Variants in CABLES1 observed in about 807,000 individuals in gnomAD.
The protein encoded by CABLES1 is Cdk5 and Abl enzyme substrate 1.
In CABLES1, 36 loss-of-function variants were observed where a neutral mutation model predicts 57.8. That is an observed-to-expected ratio of 0.62 (90% CI 0.48 to 0.82). The LOEUF (loss-of-function observed/expected upper bound fraction) is 0.82, where lower values mean the gene tolerates loss of function less well. Ranked by LOEUF, CABLES1 falls within the 40% of genes least tolerant of loss-of-function variation. The probability of loss-of-function intolerance (pLI) is 0.00; values close to 1 mark genes in which losing one functional copy is unlikely to be tolerated. For missense variants in CABLES1, 767 were observed against 836.6 expected (o/e 0.92, Z 1.03); for synonymous variants, 374 against 363.0 (o/e 1.03, Z -0.35).
At chr18:23,170,323 G>A (rs2047073386) in intron 1 of CABLES1, among the ~76,000 whole-genome samples, 1 of 152,202 alleles carries the variant, frequency 6.6e-6, no homozygotes. Context: ...GACGTGGCCT[G>A]TTGTCCTTCC....
At chr18:23,246,807 C>T (rs942830459) in intron 7 of CABLES1, among the ~76,000 whole-genome samples, 1 of 151,706 alleles carries the variant, frequency 6.6e-6, no homozygotes, top group African/African-American at 2.4e-5. Flanking sequence ...TTCTTCCTGC[C>T]TTAGCCTCCC....
intron 7 of CABLES1, among the ~76,000 whole-genome samples, chr18:23,238,753 C>T (rs2047665283): frequency 6.6e-6 from 1 of 152,180 alleles, no homozygotes; most frequent in African/African-American, 2.4e-5. Context: ...TCAGGGAGTC[C>T]AAGTGAGGCT....
intron 3 of CABLES1, chr18:23,197,420 TTCA>T (rs1323332076): frequency 7.5e-6 from 1 of 132,470 alleles, no homozygotes; most frequent in Non-Finnish European, 1.5e-5. Flanking sequence ...AAAAACTCTC[TTCA>T]TCTCTCTGGC....
rs145792455 is a variant in CABLES1 at position 23,212,544 on chromosome 18, G to A, written c.1011-1433G>A. Among the ~76,000 whole-genome samples the A allele has an allele frequency of 7.6e-4, 116 of 152,264 alleles. 1 individual carries two copies. The highest frequency in any genetic ancestry group is 2.6e-3 in the African/African-American group (107 of 41,542). On this transcript the variant is annotated intron_variant, in intron 3 of 9. Transcript: ENST00000256925. ...AAAGTGGCTTTTGATTGCATAGGAT[G>A]CCTGCAGCCCTGCCCTCCCATGACG...
At chr18:23,205,949 C>T (rs1598829138) in intron 3 of CABLES1, among the ~76,000 whole-genome samples, 1 of 152,122 alleles carries the variant, frequency 6.6e-6, no homozygotes, top group Non-Finnish European at 1.5e-5. Context: ...CATGGAGCCA[C>T]CAGTAGCCAG....
At chr18:23,215,722 A>C (rs2047436707) in intron 4 of CABLES1, among the ~76,000 whole-genome samples, 2 of 152,100 alleles carry the variant, frequency 1.3e-5, no homozygotes, top group Non-Finnish European at 2.9e-5. Flanking sequence ...CATTAAAATT[A>C]CACACACAAT....
At chr18:23,218,726 G>A (rs1397136468) in intron 4 of CABLES1, among the ~76,000 whole-genome samples, 1 of 152,222 alleles carries the variant, frequency 6.6e-6, no homozygotes, top group Non-Finnish European at 1.5e-5. Context: ...GCTTTAACTT[G>A]AACACTGATT....
intron 3 of CABLES1, among the ~76,000 whole-genome samples, chr18:23,205,552 A>C (rs1021798457): frequency 6.6e-6 from 1 of 152,090 alleles, no homozygotes; most frequent in African/African-American, 2.4e-5. Flanking sequence ...CTTAGCCCCC[A>C]AAATTCCTGT....
intron 4 of CABLES1, among the ~76,000 whole-genome samples, chr18:23,229,393 C>G (rs534786207): frequency 6.6e-6 from 1 of 152,184 alleles, no homozygotes; most frequent in South Asian, 2.1e-4. Flanking sequence ...GCCTAGGCAA[C>G]AAGAGTAAAA....
chr18:23,161,922 CAAAA>C (rs879325669), intron 1 of CABLES1, among the ~76,000 whole-genome samples: 1 of 137,542 alleles, frequency 7.3e-6, no homozygotes, highest in African/African-American at 2.7e-5. Context: ...GACTCCGTCT[CAAAA>C]AAAAAAAAGC....
chr18:23,237,350 C>A, intron 7 of CABLES1, 105 bp downstream of exon 7: 1 of 799,638 alleles, frequency 1.3e-6, no homozygotes, highest in Non-Finnish European at 2.2e-6. Context: ...CCTGGGGGAC[C>A]TTCATGAGGA....
At chr18:23,180,883 C>A (rs9946848) in intron 1 of CABLES1, among the ~76,000 whole-genome samples, 1 of 152,142 alleles carries the variant, frequency 6.6e-6, no homozygotes, top group African/African-American at 2.4e-5. Context: ...TGGAGGCTTC[C>A]GCCCAGAAAG....
chr18:23,150,207 G>GTTTTTTGTTTTTTT (rs1555658964), intron 1 of CABLES1, among the ~76,000 whole-genome samples: 2 of 106,662 alleles, frequency 1.9e-5, no homozygotes, highest in African/African-American at 8.2e-5. Flanking sequence ...GTTGGTGTTT[G>GTTTTTTGTTTTTTT]TTTTTTTTTT....
At chr18:23,196,552 G>C (rs1477142331) in intron 3 of CABLES1, among the ~76,000 whole-genome samples, 1 of 152,204 alleles carries the variant, frequency 6.6e-6, no homozygotes, top group African/African-American at 2.4e-5. Flanking sequence ...ACATGACCCA[G>C]CCTTTCGAGA....
chr18:23,146,915 C>CT (rs981196246), intron 1 of CABLES1, among the ~76,000 whole-genome samples: 4 of 152,198 alleles, frequency 2.6e-5, no homozygotes, highest in Non-Finnish European at 4.4e-5. Context: ...CTCAAATCTT[C>CT]TACTTGTGAG....
intron 1 of CABLES1, among the ~76,000 whole-genome samples, chr18:23,163,163 TG>T (rs1332972941): frequency 2.6e-5 from 4 of 151,890 alleles, no homozygotes; most frequent in African/African-American, 9.7e-5. Context: ...ACCATGGAGA[TG>T]GGGCAGTTTG....
chr18:23,161,761 A>C (rs1289633429), intron 1 of CABLES1, among the ~76,000 whole-genome samples: 37 of 149,126 alleles, frequency 2.5e-4, no homozygotes, highest in African/African-American at 8.6e-4. Flanking sequence ...ATCCAAAAAA[A>C]AAAAAAAAAA....
intron 7 of CABLES1, among the ~76,000 whole-genome samples, chr18:23,251,175 G>A (rs1045386598): frequency 7.2e-5 from 11 of 152,200 alleles, no homozygotes; most frequent in African/African-American, 1.9e-4. Flanking sequence ...CATGTAGGCC[G>A]GGCACGGTTG....
chr18:23,238,012 A>G (rs2047646531), intron 7 of CABLES1, among the ~76,000 whole-genome samples: 1 of 152,096 alleles, frequency 6.6e-6, no homozygotes, highest in Non-Finnish European at 1.5e-5. Flanking sequence ...ATCCACCCAG[A>G]ATGCCCCCAC....
Sources: gnomAD v4.1 joint callset for allele counts (sites outside exome capture counted in the v4.1 genomes callset) on GRCh38, gnomAD v4.1.1 for gene constraint, MANE v1.5 for transcripts, NCBI Gene and HGNC (gene_info 2026-07-23, HGNC 2026-07-21) for gene names.